Variants in TRPM3 observed in about 807,000 individuals in gnomAD.
TRPM3 encodes the protein long transient receptor potential channel 3.
Under a neutral mutation model 181.2 loss-of-function variants are expected in TRPM3, and 77 were observed. The ratio of observed to expected loss-of-function variants is 0.42; its 90% CI spans 0.35 to 0.51. The LOEUF is 0.51. TRPM3 is among the 20% of genes least tolerant of loss of function. The pLI is 0.01. For synonymous variants in TRPM3, 745 were observed against 796.4 expected (o/e 0.94, Z 1.09); for missense variants, 1,759 against 2,196.7 (o/e 0.80, Z 3.98).
At chr9:71,298,290 A>C (rs1369941825) in intron 1 of TRPM3, among the ~76,000 whole-genome samples, 1 of 152,162 alleles carries the variant, frequency 6.6e-6, no homozygotes, top group Non-Finnish European at 1.5e-5. Flanking sequence ...CAGGAAGTAT[A>C]ATCCATACAT....
intron 1 of TRPM3, among the ~76,000 whole-genome samples, chr9:71,202,417 C>G (rs2078864102): frequency 6.6e-6 from 1 of 152,126 alleles, no homozygotes; most frequent in South Asian, 2.1e-4. Context: ...TTTTGTTTGT[C>G]TCTAAGTTGG....
At chr9:71,046,168 G>A (rs998606802) in intron 1 of TRPM3, among the ~76,000 whole-genome samples, 7 of 152,058 alleles carry the variant, frequency 4.6e-5, no homozygotes, top group Non-Finnish European at 8.8e-5. Context: ...TGTATTTTTA[G>A]TAGAGATGGG....
At chr9:71,179,419 G>A (rs140036385) in intron 1 of TRPM3, among the ~76,000 whole-genome samples, 4 of 152,184 alleles carry the variant, frequency 2.6e-5, no homozygotes, top group African/African-American at 9.6e-5. Flanking sequence ...TCTCAGGCAG[G>A]GAGTGTCTCC....
Position 70,539,942 on chromosome 9 carries a change from C to G in TRPM3, c.3708-2537G>C, listed in dbSNP as rs545787852. On this transcript the variant is annotated intron_variant, in intron 25 of 25. Transcript: ENST00000677713. ...CTTAACCTCCTGGGCACAAGTGATC[C>G]TCCTGCTTCAGACTCCCAAGTAGCT... Among the ~76,000 whole-genome samples the G allele has an allele frequency of 2.0e-5, 3 of 152,310 alleles. No individual in the cohort carries two copies. The South Asian group carries it at 6.2e-4, about 32-fold the overall frequency.
chr9:70,990,677 G>A (rs960355949), intron 1 of TRPM3, among the ~76,000 whole-genome samples: 1 of 151,980 alleles, frequency 6.6e-6, no homozygotes, highest in Non-Finnish European at 1.5e-5. Context: ...CTGTGTGTGT[G>A]AGTGCACACA....
intron 1 of TRPM3, among the ~76,000 whole-genome samples, chr9:71,223,707 T>C (rs1166994879): frequency 1.3e-5 from 2 of 152,142 alleles, no homozygotes; most frequent in Non-Finnish European, 2.9e-5. Context: ...CCTGGCAGCA[T>C]TCACTACAAT....
chr9:71,045,453 C>A (rs937085917), intron 1 of TRPM3, among the ~76,000 whole-genome samples: 1 of 152,164 alleles, frequency 6.6e-6, no homozygotes, highest in African/African-American at 2.4e-5. Context: ...ACTGTGCTGG[C>A]CTCTAAGTTT....
intron 1 of TRPM3, among the ~76,000 whole-genome samples, chr9:70,930,221 T>C (rs2096761968): frequency 6.6e-6 from 1 of 152,164 alleles, no homozygotes; most frequent in Non-Finnish European, 1.5e-5. Flanking sequence ...TATAGTCATA[T>C]TTGTAAAGTG....
chr9:71,399,220 C>G (rs1418401279), intron 1 of TRPM3, among the ~76,000 whole-genome samples: 1 of 152,098 alleles, frequency 6.6e-6, no homozygotes, highest in Non-Finnish European at 1.5e-5. Flanking sequence ...AAAATCATGA[C>G]TTAGAAAACT....
At chr9:71,338,128 G>C (rs186920118) in intron 1 of TRPM3, among the ~76,000 whole-genome samples, 13 of 151,546 alleles carry the variant, frequency 8.6e-5, no homozygotes, top group African/African-American at 3.2e-4. Context: ...CTTTGGCAGC[G>C]CTGCTCACTA....
intron 1 of TRPM3, among the ~76,000 whole-genome samples, chr9:71,055,317 A>C (rs1345501622): frequency 6.6e-6 from 1 of 152,136 alleles, no homozygotes; most frequent in Admixed American, 6.6e-5. Context: ...AGTAGATAAT[A>C]GAAATAATGA....
chr9:70,986,049 T>C (rs1320111234), intron 1 of TRPM3, among the ~76,000 whole-genome samples: 1 of 152,176 alleles, frequency 6.6e-6, no homozygotes, highest in Non-Finnish European at 1.5e-5. Context: ...CTGTGGTTGC[T>C]GTTGGGTTTT....
intron 9 of TRPM3, among the ~76,000 whole-genome samples, chr9:70,644,318 A>G (rs375919365): frequency 7.2e-5 from 11 of 152,346 alleles, no homozygotes; most frequent in Admixed American, 5.9e-4. Flanking sequence ...TCAATGTAGC[A>G]GAACCATTCT....
At chr9:70,784,076 T>G in intron 7 of TRPM3, 29 bp downstream of exon 7, 1 of 1,603,906 alleles carries the variant, frequency 6.2e-7, no homozygotes, top group Non-Finnish European at 8.5e-7. Flanking sequence ...GCTTTAGGGT[T>G]CTTCCATGGG....
intron 5 of TRPM3, among the ~76,000 whole-genome samples, chr9:70,840,842 T>C (rs532316205): frequency 3.3e-5 from 5 of 152,204 alleles, no homozygotes; most frequent in Admixed American, 3.3e-4. Context: ...CTAAGGAAAT[T>C]ATTTAGTTAC....
At chr9:71,376,610 G>A (rs2092673153) in intron 1 of TRPM3, among the ~76,000 whole-genome samples, 2 of 151,842 alleles carry the variant, frequency 1.3e-5, no homozygotes, top group Admixed American at 6.6e-5. Context: ...CACATGGTAG[G>A]GGTTCAATAA....
intron 1 of TRPM3, among the ~76,000 whole-genome samples, chr9:71,331,266 G>C (rs2090086847): frequency 6.6e-6 from 1 of 151,812 alleles, no homozygotes; most frequent in African/African-American, 2.4e-5. Context: ...GTTAGATTGT[G>C]AAATCTGAAA....
chr9:71,136,395 A>G (rs1479865069), intron 1 of TRPM3, among the ~76,000 whole-genome samples: 1 of 152,190 alleles, frequency 6.6e-6, no homozygotes, highest in African/African-American at 2.4e-5. Context: ...TGGACACTCC[A>G]TCTAGTGAAG....
intron 1 of TRPM3, among the ~76,000 whole-genome samples, chr9:71,145,028 T>G (rs75524856): frequency 3.3e-3 from 496 of 152,272 alleles, no homozygotes; most frequent in African/African-American, 0.011. Flanking sequence ...GAGATAACAT[T>G]ATTTGTTTCC....
Sources: allele counts gnomAD v4.1 joint callset (sites outside exome capture counted in the v4.1 genomes callset), GRCh38; gene constraint gnomAD v4.1.1; transcripts MANE v1.5; gene names NCBI Gene and HGNC (gene_info 2026-07-23, HGNC 2026-07-21).